Variants in HEXD observed in about 807,000 individuals in gnomAD.
The protein encoded by HEXD is hexosaminidase D, also known as N-acetyl-beta-galactosaminidase.
In HEXD, 47 loss-of-function variants were observed where a neutral mutation model predicts 54.2. That is an observed-to-expected ratio of 0.87 (90% confidence interval 0.69 to 1.11). The LOEUF is 1.11. HEXD is among the 50% of genes least tolerant of loss of function. The pLI is 0.00. For synonymous variants in HEXD, 293 were observed against 287.6 expected, an observed-to-expected ratio of 1.02 and a Z score of -0.19; for missense variants, 576 against 649.2, an observed-to-expected ratio of 0.89 and a Z score of 1.23.
intron 4 of HEXD, among the ~76,000 whole-genome samples, chr17:82,430,925 C>A (rs2053559565): frequency 6.6e-6 from 1 of 152,128 alleles, no homozygotes; most frequent in Non-Finnish European, 1.5e-5. Context: ...AGTTTAACTT[C>A]TGTGCATTTT....
intron 2 of HEXD, 130 bp from the exon 3 acceptor site, chr17:82,424,264 C>T (rs2053329032): frequency 5.9e-6 from 4 of 682,662 alleles, no homozygotes; most frequent in Admixed American, 2.3e-5. Flanking sequence ...TTTAAGGTTC[C>T]CAGGAGAAAT....
chr17:82,435,199 T>A (rs950946487), intron 5 of HEXD, among the ~76,000 whole-genome samples: 3 of 152,036 alleles, frequency 2.0e-5, no homozygotes, highest in African/African-American at 7.2e-5. Context: ...CAGACATTCA[T>A]GGTGTGGGCA....
chr17:82,439,238 G>C (rs927792008), intron 8 of HEXD, among the ~76,000 whole-genome samples: 2 of 152,236 alleles, frequency 1.3e-5, no homozygotes, highest in African/African-American at 4.8e-5. Context: ...GGTGGGGCAG[G>C]AGGGGCCCGG....
intron 3 of HEXD, chr17:82,426,728 C>T (rs553130328): frequency 6.6e-6 from 1 of 152,380 alleles, no homozygotes; most frequent in South Asian, 2.1e-4. Context: ...GTGGCTCACG[C>T]CTGTAATCCC....
At chr17:82,433,091 AATATAT>A (rs1555617646) in intron 4 of HEXD, among the ~76,000 whole-genome samples, 9 of 13,234 alleles carry the variant, frequency 6.8e-4, no homozygotes, top group South Asian at 5.0e-3. Flanking sequence ...AAAAAAAAAA[AATATAT>A]ATATATATAT....
At chr17:82,423,957 TGCTCCCCCTGCCCCG>T (rs2053317087) in intron 2 of HEXD, among the ~76,000 whole-genome samples, 1 of 150,974 alleles carries the variant, frequency 6.6e-6, no homozygotes, top group African/African-American at 2.5e-5. Context: ...TTCAGAGCCC[TGCTCCCCCTGCCCCG>T]GCTCCTCCTG....
intron 3 of HEXD, chr17:82,428,224 G>T (rs1217586869): frequency 1.1e-5 from 2 of 183,926 alleles, no homozygotes; most frequent in East Asian, 3.0e-4. Flanking sequence ...ACCTCAAGTG[G>T]TCTGCTGGCC....
At chr17:82,432,859 C>A (rs190877685) in intron 4 of HEXD, among the ~76,000 whole-genome samples, 2 of 145,564 alleles carry the variant, frequency 1.4e-5, no homozygotes, top group African/African-American at 5.1e-5. Flanking sequence ...GTCAGGAGAT[C>A]GAGACCATCC....
Position 82,436,608 on chromosome 17 carries a change from C to G in HEXD, c.632-59C>G. 3 of 1,430,604 alleles carry G rather than the reference C, an allele frequency of 2.1e-6. 1 individual carries two copies. In the South Asian group the frequency reaches 3.6e-5, roughly 17 times the overall value. The allele number at this position is 1,430,604 out of a possible 1,614,324, so 88.6% of individuals were successfully genotyped here. A position where few individuals can be genotyped will look rare whatever the true frequency, so the allele number is the denominator to read the frequency against. On this transcript the variant is annotated intron_variant, in intron 6 of 12. Transcript: ENST00000327949. ...CAAGCAAAACGAGAACAGGTGGGTCCGAGGGGCTGAGAGTGTGGTCCAGGT... is the reference window on the plus strand; with the variant it reads ...CAAGCAAAACGAGAACAGGTGGGTCGGAGGGGCTGAGAGTGTGGTCCAGGT...
In HEXD at chr17:82,436,671, C is replaced by T. The variant is rs769486025; in HGVS notation, c.636C>T (p.Ser212=). The T allele has an allele frequency of 1.2e-5, 20 of 1,609,964 alleles. No individual in the cohort carries two copies. Among genetic ancestry groups the T allele is most frequent in the African/African-American group, 1.2e-4 (9 of 74,926 alleles). ...TCACGTCCGCTCTGTCTGCAGCGTCCGGGGTGCCGCAGCTGGTGGAGCCGG... is the reference window on the plus strand; with the variant it reads ...TCACGTCCGCTCTGTCTGCAGCGTCTGGGGTGCCGCAGCTGGTGGAGCCGG... ...RDLPEDQLAA[S]GVPQLVEPVL... Residue 212 remains serine (S), a synonymous_variant, in exon 7 of 13, where the codon TCC becomes TCT. Coordinates refer to ENST00000327949, the MANE Select transcript of HEXD (RefSeq NM_001330542.2).
intron 5 of HEXD, 100 bp downstream of exon 5, chr17:82,433,922 G>A: frequency 1.8e-6 from 2 of 1,120,890 alleles, no homozygotes; most frequent in Non-Finnish European, 2.5e-6. Flanking sequence ...CTAGAGACAG[G>A]CTTGTTGTTC....
intron 5 of HEXD, 75 bp from the exon 6 acceptor site, chr17:82,435,614 C>A: frequency 6.8e-7 from 1 of 1,463,958 alleles, no homozygotes. Context: ...TCCGTCAGGG[C>A]ACGGCGTGAA....
rs1386183735 is a variant in HEXD at position 82,436,656 on chromosome 17, T to C, written c.632-11T>C. On this transcript the variant is annotated splice_polypyrimidine_tract_variant and intron_variant, in intron 6 of 12. Transcript: ENST00000327949. ...GGTGTCTCACCAACCTCACGTCCGC[T>C]CTGTCTGCAGCGTCCGGGGTGCCGC... 6.2e-7 allele frequency: 1 copy of C among 1,606,694 alleles called. No individual in the cohort carries two copies. The highest frequency in any genetic ancestry group is 8.5e-7 in the Non-Finnish European group (1 of 1,178,126).
Position 82,437,472 on chromosome 17 carries a change from G to A in HEXD, c.899+109G>A. The A allele has an allele frequency of 4.1e-6, 4 of 976,482 alleles. No homozygotes were observed. The South Asian group carries it at 5.8e-5, about 14-fold the overall frequency. 60.5% of individuals were successfully genotyped at this position (976,482 alleles called of 1,614,324 possible). ...CCTTCCCAGGTTGGTCAAAGGGGAAGCAGCCCGGGCCTCCAAGAGGAGCTG... is the reference window on the plus strand; with the variant it reads ...CCTTCCCAGGTTGGTCAAAGGGGAAACAGCCCGGGCCTCCAAGAGGAGCTG... On this transcript the variant is annotated intron_variant, in intron 8 of 12. Coordinates refer to ENST00000327949, the MANE Select transcript of HEXD (RefSeq NM_001330542.2).
intron 9 of HEXD, chr17:82,440,648 T>C (rs2053908391): frequency 2.8e-6 from 1 of 359,454 alleles, no homozygotes; most frequent in African/African-American, 2.2e-5. Context: ...TTCCATCGAT[T>C]GTGTAAAACA....
rs2053746048 is a variant in HEXD, at chr17:82,435,864, A to T, written c.623A>T (p.Gln208Leu). 1.2e-6 allele frequency: 2 copies of T among 1,605,324 alleles called. No individual in the cohort carries two copies. The highest frequency in any genetic ancestry group is 1.7e-6 in the Non-Finnish European group (2 of 1,176,198). Residue 208 changes from glutamine (Q) to leucine (L), a missense_variant, in exon 6 of 13, where the codon CAG (glutamine) becomes CTG (leucine). By Grantham distance (113) the Gln-to-Leu change is moderately radical. Transcript: ENST00000327949. ...ATGCTCCGAGACCTGCCTGAGGACC[A>T]GCTCGCAGGTCGGCCAACAGGGCTG... is the stretch of plus-strand genomic sequence containing the variant. ...DDMLRDLPED[Q>L]LAASGVPQLV... is the part of the protein sequence containing the mutation.
At chr17:82,425,042 T>C (rs1011517762) in intron 3 of HEXD, among the ~76,000 whole-genome samples, 1 of 144,990 alleles carries the variant, frequency 6.9e-6, no homozygotes, top group Admixed American at 6.9e-5. Context: ...TGGAGGAGGC[T>C]GGAGGAGGCC....
At chr17:82,439,370 C>T (rs972547746) in intron 8 of HEXD, 24 of 945,372 alleles carry the variant, frequency 2.5e-5, no homozygotes, top group Middle Eastern at 5.3e-4. Context: ...CCAGAATTCC[C>T]ATGGCTCCGG....
chr17:82,430,137 G>A (rs4789687), intron 4 of HEXD, among the ~76,000 whole-genome samples: 43,155 of 151,956 alleles, frequency 0.28, 6,717 homozygotes, highest in East Asian at 0.65. Context: ...TGGGTCTCCC[G>A]GGGCCACTCT....
Sources: gnomAD v4.1 joint callset for allele counts (sites outside exome capture counted in the v4.1 genomes callset) on GRCh38, gnomAD v4.1.1 for gene constraint, MANE v1.5 for transcripts, NCBI Gene and HGNC (gene_info 2026-07-23, HGNC 2026-07-21) for gene names.